The following DIAPH2 variants were observed in gnomAD, a reference collection of about 807,000 sequenced individuals.
The protein encoded by DIAPH2 is diaphanous related formin 2.
DIAPH2 carries 35 observed loss-of-function variants against 92.7 expected under a neutral mutation model. The ratio of observed to expected loss-of-function variants is 0.38; its 90% CI spans 0.29 to 0.50. The LOEUF (loss-of-function observed/expected upper bound fraction) is 0.50. Ranked by LOEUF, DIAPH2 falls within the 20% of genes least tolerant of loss-of-function variation. DIAPH2 has a pLI of 0.94. For missense variants in DIAPH2, 701 were observed against 819.5 expected, an observed-to-expected ratio of 0.86 and a Z score of 1.77; for synonymous variants, 301 against 280.4, an observed-to-expected ratio of 1.07 and a Z score of -0.73.
intron 22 of DIAPH2, among the ~76,000 whole-genome samples, chrX:97,169,269 C>T (rs940147339): frequency 5.4e-5 from 6 of 111,367 alleles, no homozygotes; most frequent in Admixed American, 1.9e-4. Flanking sequence ...CAAGAGGAAG[C>T]GTATTAGGAG....
intron 4 of DIAPH2, among the ~76,000 whole-genome samples, chrX:96,759,364 C>T (rs1047244054): frequency 1.8e-4 from 20 of 111,480 alleles, no homozygotes; most frequent in African/African-American, 6.5e-4. Flanking sequence ...TTAAACATAA[C>T]ACATTGCAGC....
chrX:97,287,292 G>C (rs1479350446), intron 23 of DIAPH2, among the ~76,000 whole-genome samples: 1 of 108,484 alleles, frequency 9.2e-6, no homozygotes, highest in Admixed American at 1.0e-4. Flanking sequence ...GCAACAGAGT[G>C]AAACTCCGTC....
In DIAPH2 at chrX:97,430,287, C is replaced by T. The variant is rs953032604; in HGVS notation, c.3241+542C>T. ...ATTTGATTAGTAACAGTTAAAGCCACACTATGAAAATAGATCTCAGGGGAA... is the reference window on the plus strand; with the variant it reads ...ATTTGATTAGTAACAGTTAAAGCCATACTATGAAAATAGATCTCAGGGGAA... On this transcript the variant is annotated intron_variant, in intron 26 of 26. Coordinates refer to ENST00000324765, the MANE Select transcript of DIAPH2 (RefSeq NM_006729.5). Among the ~76,000 whole-genome samples, 3 of 112,079 alleles carry T rather than the reference C, an allele frequency of 2.7e-5. No individual in the cohort carries two copies. In the Admixed American group the frequency reaches 2.9e-4, roughly 11 times the overall value.
chrX:97,270,434 A>G (rs986905040), intron 23 of DIAPH2, among the ~76,000 whole-genome samples: 17 of 112,077 alleles, frequency 1.5e-4, no homozygotes, highest in African/African-American at 5.5e-4. Flanking sequence ...AAGTTGCCCA[A>G]GGTCACACAG....
intron 3 of DIAPH2, among the ~76,000 whole-genome samples, chrX:96,756,202 G>A (rs1337771432): frequency 1.8e-5 from 2 of 110,471 alleles, no homozygotes; most frequent in Non-Finnish European, 3.8e-5. Flanking sequence ...CAAAGAGTGT[G>A]AAACTAGCAC....
chrX:97,525,324 T>TC (rs1192358904), intron 26 of DIAPH2, among the ~76,000 whole-genome samples: 1 of 112,111 alleles, frequency 8.9e-6, no homozygotes, highest in African/African-American at 3.2e-5. Flanking sequence ...GCCCACTGTG[T>TC]CCCCCTGCCT....
At chrX:97,287,222 C>G (rs764644432) in intron 23 of DIAPH2, among the ~76,000 whole-genome samples, 5 of 110,713 alleles carry the variant, frequency 4.5e-5, no homozygotes, top group Admixed American at 9.8e-5. Flanking sequence ...ATAAAAATCA[C>G]TTGAACCTGG....
At chrX:97,129,557 CAT>C (rs2067123803) in intron 21 of DIAPH2, among the ~76,000 whole-genome samples, 1 of 111,343 alleles carries the variant, frequency 9.0e-6, no homozygotes, top group African/African-American at 3.3e-5. Context: ...AAAGATATCT[CAT>C]ATTCATGAGA....
rs148930990 is a variant in DIAPH2 at position 96,765,588 on chromosome X, G to T, written c.447+7330G>T. 8.1e-3 allele frequency among the ~76,000 whole-genome samples: 900 copies of T among 111,693 alleles called. 7 individuals carry two copies. Among genetic ancestry groups the T allele is most frequent in the African/African-American group, 0.028 (873 of 30,732 alleles). On this transcript the variant is annotated intron_variant, in intron 4 of 26. Transcript: ENST00000324765. Reference sequence around the variant, plus strand: ...ACTGTGCCTAATTTATAAATTAAGTGTTATAGGTTTATATGCATAGGAAAA... The same window carrying T: ...ACTGTGCCTAATTTATAAATTAAGTTTTATAGGTTTATATGCATAGGAAAA...
At chrX:97,016,277 T>C (rs1383528584) in intron 17 of DIAPH2, among the ~76,000 whole-genome samples, 2 of 112,204 alleles carry the variant, frequency 1.8e-5, no homozygotes, top group Non-Finnish European at 3.8e-5. Context: ...TTGTTCCCAT[T>C]TGTTTTAGAG....
intron 1 of DIAPH2, among the ~76,000 whole-genome samples, chrX:96,705,134 C>T (rs778097326): frequency 5.5e-5 from 6 of 110,059 alleles, no homozygotes; most frequent in South Asian, 4.0e-4. Flanking sequence ...CCACTACGCC[C>T]GGCTAATTTT....
intron 22 of DIAPH2, among the ~76,000 whole-genome samples, chrX:97,175,915 T>A (rs138327902): frequency 1.0e-3 from 118 of 112,423 alleles, no homozygotes; most frequent in African/African-American, 3.6e-3. Flanking sequence ...ACAACATATC[T>A]TCTTTGGTGT....
At chrX:96,978,587 T>A (rs968815465) in intron 17 of DIAPH2, among the ~76,000 whole-genome samples, 1 of 110,731 alleles carries the variant, frequency 9.0e-6, no homozygotes, top group African/African-American at 3.3e-5. Flanking sequence ...TCACATTTTG[T>A]GTATGACTAT....
At chrX:96,974,346 A>AGATAGGTGATGGGAATATATG (rs1176048193) in intron 17 of DIAPH2, among the ~76,000 whole-genome samples, 5 of 111,712 alleles carry the variant, frequency 4.5e-5, no homozygotes, top group Non-Finnish European at 9.4e-5. Context: ...TTTTGTGGAC[A>AGATAGGTGATGGGAATATATG]GATAGGTGAT....
intron 1 of DIAPH2, among the ~76,000 whole-genome samples, chrX:96,687,503 G>A (rs1309965766): frequency 9.2e-6 from 1 of 108,310 alleles, no homozygotes; most frequent in Admixed American, 9.9e-5. Flanking sequence ...CCAGTGGCGC[G>A]ATCTTGGCTC....
At chrX:96,810,296 G>A (rs1302603178) in intron 4 of DIAPH2, among the ~76,000 whole-genome samples, 1 of 112,235 alleles carries the variant, frequency 8.9e-6, no homozygotes, top group Admixed American at 9.4e-5. Flanking sequence ...TCATGTGTCT[G>A]TTGGCTGCAT....
chrX:97,143,287 A>ATG (rs1323407661), intron 22 of DIAPH2, among the ~76,000 whole-genome samples: 2 of 110,839 alleles, frequency 1.8e-5, no homozygotes, highest in Admixed American at 9.7e-5. Context: ...GTAATTTGAA[A>ATG]TGTATATATA....
intron 26 of DIAPH2, among the ~76,000 whole-genome samples, chrX:97,554,643 C>T (rs912840567): frequency 8.9e-6 from 1 of 111,811 alleles, no homozygotes; most frequent in African/African-American, 3.3e-5. Flanking sequence ...AGTATATGGA[C>T]TACAGATTCA....
chrX:96,877,732 A>G (rs1163846041), intron 4 of DIAPH2, among the ~76,000 whole-genome samples: 2 of 112,272 alleles, frequency 1.8e-5, no homozygotes, highest in African/African-American at 6.5e-5. Flanking sequence ...GTTGATTTTA[A>G]CATTTCATAT....
Sources: gnomAD v4.1 joint callset for allele counts (sites outside exome capture counted in the v4.1 genomes callset) on GRCh38, gnomAD v4.1.1 for gene constraint, MANE v1.5 for transcripts, NCBI Gene and HGNC (gene_info 2026-07-23, HGNC 2026-07-21) for gene names.